Variants in GALNT13 observed in about 807,000 individuals in gnomAD.
GALNT13 encodes the protein UDP-GalNAc:polypeptide N-acetylgalactosaminyltransferase 13.
GALNT13 carries 28 observed loss-of-function variants against 64.2 expected under a neutral mutation model. That is an observed-to-expected ratio of 0.44 (90% CI 0.32 to 0.60). GALNT13 has a LOEUF of 0.60. GALNT13 is among the 20% of genes least tolerant of loss of function. GALNT13 has a pLI of 0.05. For synonymous variants in GALNT13, 214 were observed against 224.6 expected (o/e 0.95, Z 0.42); for missense variants, 577 against 669.8 (o/e 0.86, Z 1.53).
At chr2:154,278,951 A>G (rs951504831) in intron 8 of GALNT13, among the ~76,000 whole-genome samples, 17 of 152,164 alleles carry the variant, frequency 1.1e-4, no homozygotes, top group African/African-American at 4.1e-4. Flanking sequence ...ATCATCTATT[A>G]TATTTTAGAT....
At chr2:153,230,539 T>C in the GALNT13 span, among the ~76,000 whole-genome samples, 4 of 152,224 alleles carry the variant, frequency 2.6e-5, no homozygotes, top group Non-Finnish European at 4.4e-5. Flanking sequence ...TAATTCATCA[T>C]GATGTTATGA....
At chr2:153,374,370 C>G in the GALNT13 span, among the ~76,000 whole-genome samples, 1 of 152,124 alleles carries the variant, frequency 6.6e-6, no homozygotes, top group Non-Finnish European at 1.5e-5. Flanking sequence ...ACTTATTAGC[C>G]ATTGATATAT....
At chr2:154,335,673 C>T (rs1695403744) in intron 9 of GALNT13, among the ~76,000 whole-genome samples, 1 of 151,730 alleles carries the variant, frequency 6.6e-6, no homozygotes, top group South Asian at 2.1e-4. Context: ...TATATTTATG[C>T]TTCATTAATT....
the GALNT13 span, among the ~76,000 whole-genome samples, chr2:153,783,028 G>C: frequency 1.7e-4 from 26 of 152,158 alleles, no homozygotes; most frequent in East Asian, 1.9e-4. Context: ...CCCAGAATGG[G>C]AATCTAGAGT....
At chr2:154,291,496 G>A (rs1046814425) in intron 8 of GALNT13, among the ~76,000 whole-genome samples, 3 of 152,158 alleles carry the variant, frequency 2.0e-5, no homozygotes, top group Admixed American at 6.5e-5. Flanking sequence ...AATGGCACTC[G>A]CTGGGGGACT....
chr2:154,418,979 T>C (rs1173460225), intron 11 of GALNT13, among the ~76,000 whole-genome samples: 1 of 152,116 alleles, frequency 6.6e-6, no homozygotes, highest in Non-Finnish European at 1.5e-5. Context: ...ATTTTTGTAT[T>C]CTCTACCATC....
At chr2:153,221,259 C>T in the GALNT13 span, among the ~76,000 whole-genome samples, 8 of 152,174 alleles carry the variant, frequency 5.3e-5, no homozygotes, top group South Asian at 2.1e-4. Context: ...CCAGTCTGGG[C>T]GACAGGGAGA....
At chr2:153,670,967 A>G in the GALNT13 span, among the ~76,000 whole-genome samples, 18,276 of 152,220 alleles carry the variant, frequency 0.12, 1,177 homozygotes, top group African/African-American at 0.15. Flanking sequence ...TTGATTATCA[A>G]ATTAATGAAA....
chr2:154,123,961 T>C (rs1485751523), intron 3 of GALNT13, among the ~76,000 whole-genome samples: 1 of 152,100 alleles, frequency 6.6e-6, no homozygotes, highest in African/African-American at 2.4e-5. Flanking sequence ...GGTATATACA[T>C]TTGTCTAAAC....
the GALNT13 span, among the ~76,000 whole-genome samples, chr2:153,856,252 A>AGATC: frequency 6.6e-6 from 1 of 151,552 alleles, no homozygotes; most frequent in Non-Finnish European, 1.5e-5. Flanking sequence ...AAGCTGTGAT[A>AGATC]GGTAGCTAGA....
chr2:153,156,502 G>A, the GALNT13 span, among the ~76,000 whole-genome samples: 1 of 152,084 alleles, frequency 6.6e-6, no homozygotes, highest in Non-Finnish European at 1.5e-5. Context: ...AGAGAAACTG[G>A]TGTTTCTGGG....
intron 3 of GALNT13, among the ~76,000 whole-genome samples, chr2:154,074,952 T>C (rs1466442068): frequency 6.6e-6 from 1 of 151,862 alleles, no homozygotes; most frequent in Non-Finnish European, 1.5e-5. Context: ...TCATACTGAA[T>C]GGGCAAAAGC....
chr2:153,873,224 A>T (rs1686111467), intron 1 of GALNT13, among the ~76,000 whole-genome samples: 1 of 152,062 alleles, frequency 6.6e-6, no homozygotes, highest in Non-Finnish European at 1.5e-5. Context: ...GACGCGGAGG[A>T]GACAGCCTGC....
the GALNT13 span, among the ~76,000 whole-genome samples, chr2:153,238,232 T>TC: frequency 6.6e-6 from 1 of 152,120 alleles, no homozygotes; most frequent in African/African-American, 2.4e-5. Context: ...TGACTATTAA[T>TC]CCTTTGTCAG....
chr2:153,198,143 TC>T, the GALNT13 span, among the ~76,000 whole-genome samples: 2 of 152,142 alleles, frequency 1.3e-5, no homozygotes, highest in African/African-American at 4.8e-5. Context: ...GGCTGTTTGG[TC>T]CCAGGGTAGG....
At chr2:153,616,256 T>G in the GALNT13 span, among the ~76,000 whole-genome samples, 2 of 152,156 alleles carry the variant, frequency 1.3e-5, no homozygotes, top group African/African-American at 4.8e-5. Flanking sequence ...TGTGAATTTG[T>G]TTCTGGGTTG....
chr2:154,287,408 C>T, intron 8 of GALNT13: 1 of 464,122 alleles, frequency 2.2e-6, no homozygotes, highest in Non-Finnish European at 4.0e-6. Flanking sequence ...GTCCATGCTC[C>T]TCCAGCTGCC....
At chr2:153,680,891 T>G in the GALNT13 span, among the ~76,000 whole-genome samples, 1 of 151,946 alleles carries the variant, frequency 6.6e-6, no homozygotes, top group Non-Finnish European at 1.5e-5. Context: ...GTTAGAAGTA[T>G]GCTGTACATA....
intron 4 of GALNT13, among the ~76,000 whole-genome samples, chr2:154,199,255 G>A (rs1687044487): frequency 6.6e-6 from 1 of 151,848 alleles, no homozygotes; most frequent in South Asian, 2.1e-4. Flanking sequence ...ATTATTGACA[G>A]TAGTATACCT....
Sources: gnomAD v4.1 joint callset for allele counts (sites outside exome capture counted in the v4.1 genomes callset) on GRCh38, gnomAD v4.1.1 for gene constraint, MANE v1.5 for transcripts, NCBI Gene and HGNC (gene_info 2026-07-23, HGNC 2026-07-21) for gene names.